The following TASOR variants were observed in gnomAD, a reference collection of about 807,000 sequenced individuals.
TASOR encodes protein TASOR.
In TASOR, 53 loss-of-function variants were observed where a neutral mutation model predicts 178.6. The observed-to-expected ratio is 0.30, with a 90% CI of 0.24 to 0.37. TASOR has a LOEUF of 0.37. Among genes scored for constraint, TASOR ranks in the 10% least tolerant of loss-of-function variants. TASOR has a pLI of 1.00. For missense variants in TASOR, 1,815 were observed against 1,971.4 expected, an observed-to-expected ratio of 0.92 and a Z score of 1.50; for synonymous variants, 713 against 696.2, an observed-to-expected ratio of 1.02 and a Z score of -0.38.
Position 56,639,987 on chromosome 3 carries a change from T to C in TASOR, c.2763A>G (p.Thr921=), listed in dbSNP as rs1436481058. Reference sequence around the variant, plus strand: ...CAAGTCCAAGTATACTTTTCTTACCTGTAATTGGAATCAGTTTCCAATGTA... The same window carrying C: ...CAAGTCCAAGTATACTTTTCTTACCCGTAATTGGAATCAGTTTCCAATGTA... ...TEIHWKLIPI[T]GGNARSPEDQ... Residue 921 remains threonine (T), a splice_region_variant and synonymous_variant, in exon 16 of 24, where the codon ACA becomes ACG. Coordinates refer to ENST00000683822, the MANE Select transcript of TASOR (RefSeq NM_001365635.2). 3 of 1,602,954 alleles carry C rather than the reference T, an allele frequency of 1.9e-6. No homozygotes were observed. In the Admixed American group the frequency reaches 5.2e-5, roughly 28 times the overall value.
At chr3:56,640,902 T>C (rs2077107707) in intron 15 of TASOR, among the ~76,000 whole-genome samples, 1 of 152,172 alleles carries the variant, frequency 6.6e-6, no homozygotes. Context: ...TTATGTTCCA[T>C]TCCTATTTGC....
chr3:56,676,744 A>G lies in TASOR; in HGVS notation c.332-3019T>C, dbSNP rs145364123. On this transcript the variant is annotated intron_variant, in intron 1 of 23. Transcript: ENST00000683822. ...TTCTACCATTAATCTAATCGTAAGT[A>G]AAAAATTAGTCAAATCATGAATCTG... 4.8e-3 allele frequency among the ~76,000 whole-genome samples: 732 copies of G among 152,334 alleles called. 8 individuals carry two copies. The highest frequency in any genetic ancestry group is 0.017 in the African/African-American group (686 of 41,570).
At position 56,624,557 on chromosome 3, in the gene TASOR, GATTTTTA is replaced by G; in HGVS notation, c.4398_4404del (p.Lys1467LeufsTer29). ...GTGATTGAATTGTGATAGCCCACAA[GATTTTTA>G]AAGTTTTGCATGAAGTCTTCAGCAG... On this transcript the variant is annotated frameshift_variant, in exon 23 of 24. Coordinates refer to ENST00000683822, the MANE Select transcript of TASOR (RefSeq NM_001365635.2). LOFTEE classifies it high-confidence loss of function. 6.2e-7 allele frequency: 1 copy of G among 1,614,108 alleles called. No homozygotes were observed. Among genetic ancestry groups the G allele is most frequent in the Non-Finnish European group, 8.5e-7 (1 of 1,179,986 alleles).
chr3:56,626,912 T>C (rs2076811874), intron 21 of TASOR, 125 bp downstream of exon 21: 5 of 604,992 alleles, frequency 8.3e-6, no homozygotes, highest in Non-Finnish European at 1.2e-5. Flanking sequence ...CTATACTCAA[T>C]TATGGCTGGC....
intron 16 of TASOR, among the ~76,000 whole-genome samples, chr3:56,639,391 A>G (rs571261902): frequency 2.1e-5 from 3 of 141,062 alleles, no homozygotes; most frequent in African/African-American, 5.6e-5. Context: ...GTGTTTGCAC[A>G]GAGAAATTAG....
Position 56,646,656 on chromosome 3 carries a change from C to T in TASOR, c.2081G>A (p.Ser694Asn). 6.2e-7 allele frequency: 1 copy of T among 1,613,750 alleles called. No individual in the cohort carries two copies. Among genetic ancestry groups the T allele is most frequent in the Non-Finnish European group, 8.5e-7 (1 of 1,180,002 alleles). ...TTCTGTGTCTGAGTCCCCACCCACA[C>T]TCTTTTTCCTACACTGAATTAAATT... ...LINLIQCRKK[S>N]VGGDSDTEDM... Residue 694 changes from serine to asparagine, a missense_variant, in exon 14 of 24, where the codon AGT (serine) becomes AAT (asparagine). Around this residue, in one of 5 missense-constraint regions of TASOR, gnomAD observed 504 missense variants for 645.3 expected, o/e 0.78. Coordinates refer to ENST00000683822, the MANE Select transcript of TASOR (RefSeq NM_001365635.2).
intron 17 of TASOR, among the ~76,000 whole-genome samples, chr3:56,637,047 A>T (rs1395880492): frequency 1.3e-5 from 2 of 152,164 alleles, no homozygotes; most frequent in Non-Finnish European, 2.9e-5. Context: ...GGACTCCCTG[A>T]CACGATATTG....
At chr3:56,627,456 G>T in intron 20 of TASOR, 126 bp downstream of exon 20, 1 of 1,042,052 alleles carries the variant, frequency 9.6e-7, no homozygotes, top group Non-Finnish European at 1.4e-6. Context: ...GAAATTTGAG[G>T]TAATAAAAGC....
At chr3:56,676,098 T>C (rs1329843317) in intron 1 of TASOR, among the ~76,000 whole-genome samples, 1 of 152,220 alleles carries the variant, frequency 6.6e-6, no homozygotes, top group Non-Finnish European at 1.5e-5. Context: ...TAATCAAACT[T>C]GTAGCAGACG....
At chr3:56,663,679 G>C (rs1264087521) in intron 7 of TASOR, 107 bp from the exon 8 acceptor site, 2 of 1,120,274 alleles carry the variant, frequency 1.8e-6, no homozygotes, top group East Asian at 6.6e-5. Context: ...CTACAGTTAA[G>C]TCCTTCCTCC....
intron 11 of TASOR, among the ~76,000 whole-genome samples, chr3:56,657,190 T>C (rs1441336761): frequency 1.3e-5 from 2 of 151,598 alleles, no homozygotes; most frequent in African/African-American, 4.9e-5. Context: ...TAGCCGAGCA[T>C]GGTGGCAGGC....
At chr3:56,675,594 A>G (rs539757208) in intron 1 of TASOR, among the ~76,000 whole-genome samples, 38 of 152,330 alleles carry the variant, frequency 2.5e-4, no homozygotes, top group Non-Finnish European at 4.0e-4. Context: ...TAATACACCT[A>G]AAAGTCTATA....
intron 21 of TASOR, among the ~76,000 whole-genome samples, chr3:56,626,387 A>G (rs1442579858): frequency 1.3e-5 from 2 of 152,198 alleles, no homozygotes; most frequent in African/African-American, 4.8e-5. Context: ...TTTATTAGCT[A>G]CCTATAAAGT....
intron 6 of TASOR, among the ~76,000 whole-genome samples, chr3:56,667,300 T>C (rs9845655): frequency 0.35 from 53,220 of 152,008 alleles, 10,047 homozygotes; most frequent in East Asian, 0.49. Flanking sequence ...TCCAGGGAAG[T>C]TAACATTACT....
chr3:56,662,851 G>A (rs897622888), intron 8 of TASOR, among the ~76,000 whole-genome samples: 6 of 152,132 alleles, frequency 3.9e-5, no homozygotes, highest in Admixed American at 3.9e-4. Flanking sequence ...ACAGTGTCCT[G>A]TATCTTCTAC....
chr3:56,641,225 C>T, intron 15 of TASOR, 124 bp downstream of exon 15: 1 of 895,774 alleles, frequency 1.1e-6, no homozygotes, highest in Non-Finnish European at 1.7e-6. Flanking sequence ...AGACAGGCAC[C>T]TTTACTCAAA....
At chr3:56,649,870 A>G (rs1269527987) in intron 11 of TASOR, among the ~76,000 whole-genome samples, 1 of 152,220 alleles carries the variant, frequency 6.6e-6, no homozygotes, top group Non-Finnish European at 1.5e-5. Context: ...AAACATCACA[A>G]TATTTATCAC....
chr3:56,674,448 T>C (rs558444169), intron 1 of TASOR, among the ~76,000 whole-genome samples: 15 of 152,018 alleles, frequency 9.9e-5, no homozygotes, highest in Non-Finnish European at 1.9e-4. Context: ...AGTTCAAGGC[T>C]GCAGTGAGCC....
intron 1 of TASOR, 51 bp downstream of exon 1, chr3:56,682,625 A>C (rs548480189): frequency 1.4e-6 from 2 of 1,402,202 alleles, no homozygotes; most frequent in African/African-American, 2.9e-5. Context: ...GATTCTAATG[A>C]AAAGATGGAG....
Sources: gnomAD v4.1 joint callset for allele counts (sites outside exome capture counted in the v4.1 genomes callset) on GRCh38, gnomAD v4.1.1 for gene constraint, gnomAD v4.1.1 regional missense constraint, MANE v1.5 for transcripts, NCBI Gene and HGNC (gene_info 2026-07-23, HGNC 2026-07-21) for gene names.